Variants in ZNF623 observed in about 807,000 individuals in gnomAD.
ZNF623 encodes the protein zinc finger protein 623.
A neutral mutation model predicts 24.0 loss-of-function variants in ZNF623; 16 were observed. The observed-to-expected ratio is 0.67, with a 90% CI of 0.45 to 1.01. The LOEUF (loss-of-function observed/expected upper bound fraction) is 1.01, where lower values mean the gene tolerates loss of function less well. Ranked by LOEUF, ZNF623 falls within the 50% of genes least tolerant of loss-of-function variation. The pLI, the probability that ZNF623 is intolerant of heterozygous loss-of-function variation, is 0.00. For synonymous variants in ZNF623, 224 were observed against 219.8 expected, an observed-to-expected ratio of 1.02 and a Z score of -0.17; for missense variants, 566 against 606.5, an observed-to-expected ratio of 0.93 and a Z score of 0.70.
At chr8:143,639,455 C>T (rs1195010902) in intron 1 of ZNF623, among the ~76,000 whole-genome samples, 1 of 152,170 alleles carries the variant, frequency 6.6e-6, no homozygotes, top group African/African-American at 2.4e-5. Context: ...AACTCCTGAC[C>T]TCAGGTGATG....
At position 143,652,618 on chromosome 8, in the gene ZNF623, A is replaced by G. The variant is rs1815361484; in HGVS notation, c.*1135A>G. 6.0e-6 allele frequency: 1 copy of G among 167,098 alleles called. No individual in the cohort carries two copies. Among genetic ancestry groups the G allele is most frequent in the Non-Finnish European group, 1.5e-5 (1 of 68,130 alleles). 10.4% of individuals were successfully genotyped at this position (167,098 alleles called of 1,614,324 possible). A position where few individuals can be genotyped will look rare whatever the true frequency, so the allele number is the denominator to read the frequency against. ...CCTTACAGCTCATGCAGAACTGTCT[A>G]CTTGATCTGGAGGGCATTGACACCT... On this transcript the variant is annotated 3_prime_UTR_variant, in exon 2 of 2. Coordinates refer to ENST00000526926, the MANE Select transcript of ZNF623 (RefSeq NM_001261843.2).
chr8:143,645,208 C>A (rs1186811934), intron 1 of ZNF623, among the ~76,000 whole-genome samples: 1 of 151,858 alleles, frequency 6.6e-6, no homozygotes, highest in Admixed American at 6.6e-5. Flanking sequence ...CTTTGGGAGG[C>A]CAAGGCGGGC....
At chr8:143,637,247 C>T (rs1814946199) in intron 1 of ZNF623, among the ~76,000 whole-genome samples, 1 of 152,224 alleles carries the variant, frequency 6.6e-6, no homozygotes, top group Admixed American at 6.5e-5. Context: ...TGGCGCGGGG[C>T]AAGGAGGTCC....
intron 1 of ZNF623, among the ~76,000 whole-genome samples, chr8:143,641,056 T>C (rs1184980772): frequency 6.6e-6 from 1 of 151,870 alleles, no homozygotes; most frequent in Non-Finnish European, 1.5e-5. Context: ...TCTAGCTCTC[T>C]TGCTATTTTC....
At chr8:143,644,387 C>T (rs1409749297) in intron 1 of ZNF623, among the ~76,000 whole-genome samples, 2 of 152,122 alleles carry the variant, frequency 1.3e-5, no homozygotes, top group African/African-American at 4.8e-5. Flanking sequence ...CTGATCCCCC[C>T]TCCCTCATTA....
At chr8:143,642,682 C>CAGGGAAGGGGGAGGCTGG (rs1382085569) in intron 1 of ZNF623, among the ~76,000 whole-genome samples, 3 of 152,042 alleles carry the variant, frequency 2.0e-5, no homozygotes, top group Non-Finnish European at 4.4e-5. Flanking sequence ...TTGTTATATC[C>CAGGGAAGGGGGAGGCTGG]AGGGAAGGGG....
At position 143,641,442 on chromosome 8, in the gene ZNF623, G is replaced by GTT. The variant is rs1156729366; in HGVS notation, c.-96+5321_-96+5322dup. Among the ~76,000 whole-genome samples the GTT allele has an allele frequency of 1.8e-3, 18 of 10,062 alleles. 1 individual carries two copies. The highest frequency in any genetic ancestry group is 3.0e-3 in the African/African-American group (18 of 5,944). The allele number at this position is 10,062 out of a possible 152,430, so 6.6% of individuals were successfully genotyped here. A position where few individuals can be genotyped will look rare whatever the true frequency, so the allele number is the denominator to read the frequency against. On this transcript the variant is annotated intron_variant, in intron 1 of 1. Coordinates refer to ENST00000526926, the MANE Select transcript of ZNF623 (RefSeq NM_001261843.2). ...ACCAGGAGCATTGTCAGTGAGTAGT[G>GTT]TTTTTTTTTTTTTTTTTTTTTTTTT...
chr8:143,649,815 A>C, intron 1 of ZNF623, 83 bp from the exon 2 acceptor site: 2 of 1,520,032 alleles, frequency 1.3e-6, no homozygotes, highest in Non-Finnish European at 1.8e-6. Context: ...CACCTCTTGG[A>C]TATGGATTTT....
intron 1 of ZNF623, among the ~76,000 whole-genome samples, chr8:143,636,915 G>T (rs1814938111): frequency 6.6e-6 from 1 of 152,206 alleles, no homozygotes; most frequent in Non-Finnish European, 1.5e-5. Flanking sequence ...TCTGGGCAGC[G>T]CCTGGATGCT....
At chr8:143,636,874 A>G (rs1192263474) in intron 1 of ZNF623, among the ~76,000 whole-genome samples, 1 of 152,104 alleles carries the variant, frequency 6.6e-6, no homozygotes, top group Non-Finnish European at 1.5e-5. Context: ...CTTCACACAC[A>G]GGCTACGTCA....
At chr8:143,643,222 G>A (rs897956519) in intron 1 of ZNF623, among the ~76,000 whole-genome samples, 5 of 152,196 alleles carry the variant, frequency 3.3e-5, no homozygotes, top group African/African-American at 9.7e-5. Flanking sequence ...ATTCTGCCAC[G>A]AAATCTGAAT....
At position 143,649,891 on chromosome 8, in the gene ZNF623, G is replaced by T. The variant is rs764701382; in HGVS notation, c.-95-7G>T. The T allele has an allele frequency of 1.2e-5, 20 of 1,602,464 alleles. No individual in the cohort carries two copies. Among genetic ancestry groups the T allele is most frequent in the Non-Finnish European group, 1.7e-5 (20 of 1,171,472 alleles). ...GGGAAAGATGATTTTGTTGTCTTTT[G>T]TTTCAGATTCTAATGTAGGAACTGG... On this transcript the variant is annotated splice_region_variant and splice_polypyrimidine_tract_variant and intron_variant, in intron 1 of 1. Coordinates refer to ENST00000526926, the MANE Select transcript of ZNF623 (RefSeq NM_001261843.2).
chr8:143,638,340 T>TA (rs11410447), intron 1 of ZNF623, among the ~76,000 whole-genome samples: 134,582 of 137,204 alleles, frequency 0.98, 66,001 homozygotes, highest in South Asian at 0.99. Flanking sequence ...GATTCCGTCT[T>TA]AAAAAAAAAA....
At chr8:143,646,581 A>G (rs997330083) in intron 1 of ZNF623, among the ~76,000 whole-genome samples, 2 of 151,384 alleles carry the variant, frequency 1.3e-5, no homozygotes, top group Non-Finnish European at 2.9e-5. Context: ...ATGCATGTAT[A>G]TATCACAATT....
chr8:143,640,458 C>T (rs758303206), intron 1 of ZNF623, among the ~76,000 whole-genome samples: 21 of 152,160 alleles, frequency 1.4e-4, no homozygotes, highest in Non-Finnish European at 2.6e-4. Flanking sequence ...CAAAGCTGTT[C>T]GCTAGTATTT....
chr8:143,639,967 A>G (rs539744388), intron 1 of ZNF623, among the ~76,000 whole-genome samples: 88 of 152,284 alleles, frequency 5.8e-4, no homozygotes, highest in African/African-American at 1.9e-3. Context: ...TGGGGCAGTC[A>G]TTAGTAATTT....
At chr8:143,649,730 A>G in intron 1 of ZNF623, 168 bp from the exon 2 acceptor site, 2 of 760,106 alleles carry the variant, frequency 2.6e-6, no homozygotes, top group East Asian at 2.7e-5. Context: ...CTTATGTGGG[A>G]CAGGCTTGGG....
intron 1 of ZNF623, among the ~76,000 whole-genome samples, chr8:143,645,195 G>A (rs571111689): frequency 1.3e-5 from 2 of 151,382 alleles, no homozygotes; most frequent in Non-Finnish European, 2.9e-5. Context: ...TGTAATCCCA[G>A]CACTTTGGGA....
In ZNF623 at chr8:143,650,360, G is replaced by A. The variant is rs370100274; in HGVS notation, c.368G>A (p.Ser123Asn). ...CDQCGKGFGQSSHLMEHQRIH... is the reference protein window; with the variant it reads ...CDQCGKGFGQNSHLMEHQRIH... Reference sequence around the variant, plus strand: ...CAGTGTGGGAAAGGCTTTGGCCAGAGCTCACACCTTATGGAGCATCAGAGA... The same window carrying A: ...CAGTGTGGGAAAGGCTTTGGCCAGAACTCACACCTTATGGAGCATCAGAGA... The change falls in exon 2 of 2, where the codon AGC (serine) becomes AAC (asparagine). Residue 123 changes from serine (S) to asparagine (N), a missense_variant. By Grantham distance (46) the Ser-to-Asn change is conservative. Around this residue, in one of 3 missense-constraint regions of ZNF623, gnomAD observed 313 missense variants for 300.4 expected, o/e 1.04. Transcript: ENST00000526926. This position sits in a 1 kb window ranked among gnomAD's most constrained non-coding sequence, Gnocchi z 5.2. 1.2e-6 allele frequency: 2 copies of A among 1,614,112 alleles called. No homozygotes were observed. The highest frequency in any genetic ancestry group is 1.7e-6 in the Non-Finnish European group (2 of 1,180,056).
Sources: gnomAD v4.1 joint callset for allele counts (sites outside exome capture counted in the v4.1 genomes callset) on GRCh38, gnomAD v4.1.1 for gene constraint, gnomAD v4.1.1 regional missense constraint, Gnocchi (gnomAD v3.1) non-coding constraint, MANE v1.5 for transcripts, NCBI Gene and HGNC (gene_info 2026-07-23, HGNC 2026-07-21) for gene names.